The following MIPEP variants were observed in gnomAD, a reference collection of about 807,000 sequenced individuals.
MIPEP encodes mitochondrial intermediate peptidase.
In MIPEP, 79 loss-of-function variants were observed where a neutral mutation model predicts 90.3. The observed-to-expected ratio is 0.87, with a 90% CI of 0.73 to 1.05. The LOEUF (loss-of-function observed/expected upper bound fraction) is 1.05, where lower values mean the gene tolerates loss of function less well. Among genes scored for constraint, MIPEP ranks in the 50% least tolerant of loss-of-function variants. The pLI is 0.00. For missense variants in MIPEP, 940 were observed against 905.6 expected (o/e 1.04, Z -0.49); for synonymous variants, 334 against 315.8 (o/e 1.06, Z -0.61).
chr13:23,763,057 CT>C (rs1372057375), intron 16 of MIPEP, among the ~76,000 whole-genome samples: 1 of 152,216 alleles, frequency 6.6e-6, no homozygotes, highest in Non-Finnish European at 1.5e-5. Context: ...CTAGGACCAT[CT>C]ATGAATTAAA....
chr13:23,793,800 G>A (rs964267925), intron 16 of MIPEP, among the ~76,000 whole-genome samples: 6 of 151,694 alleles, frequency 4.0e-5, no homozygotes, highest in Non-Finnish European at 7.4e-5. Flanking sequence ...AAGGCAAAGG[G>A]AGCAGAAAGA....
intron 16 of MIPEP, among the ~76,000 whole-genome samples, chr13:23,784,427 C>G (rs983064757): frequency 6.6e-6 from 1 of 152,178 alleles, no homozygotes; most frequent in Non-Finnish European, 1.5e-5. Flanking sequence ...GGAAAACTGG[C>G]TAGCCATATG....
intron 18 of MIPEP, among the ~76,000 whole-genome samples, chr13:23,736,139 G>C (rs1417451303): frequency 2.6e-5 from 4 of 152,160 alleles, no homozygotes; most frequent in African/African-American, 9.7e-5. Context: ...AACCAAGGTG[G>C]ATGGAGTTAA....
At chr13:23,806,326 T>C (rs1953106685) in intron 15 of MIPEP, among the ~76,000 whole-genome samples, 1 of 152,206 alleles carries the variant, frequency 6.6e-6, no homozygotes, top group East Asian at 1.9e-4. Flanking sequence ...AGATACTCTT[T>C]ATGTACAATG....
intron 2 of MIPEP, among the ~76,000 whole-genome samples, chr13:23,882,307 T>C (rs1188578292): frequency 6.6e-6 from 1 of 152,202 alleles, no homozygotes; most frequent in Non-Finnish European, 1.5e-5. Context: ...CTTTGCAGTA[T>C]GGTTTTCACA....
At chr13:23,823,537 C>T (rs1033451164) in intron 14 of MIPEP, among the ~76,000 whole-genome samples, 1 of 152,152 alleles carries the variant, frequency 6.6e-6, no homozygotes, top group African/African-American at 2.4e-5. Flanking sequence ...TCTTTCTTAA[C>T]AGCATTTGGA....
intron 10 of MIPEP, 84 bp downstream of exon 10, chr13:23,858,776 C>T (rs1870156039): frequency 6.7e-6 from 8 of 1,191,010 alleles, no homozygotes; most frequent in Admixed American, 1.8e-5. Context: ...GTACTGTGGG[C>T]GACTCAGTGG....
chr13:23,730,580 A>C (rs1410200981), intron 18 of MIPEP, 135 bp from the exon 19 acceptor site: 1 of 631,474 alleles, frequency 1.6e-6, no homozygotes, highest in Non-Finnish European at 2.9e-6. Context: ...ACCTGAATGC[A>C]AGAACATTTT....
chr13:23,739,256 G>C (rs866988403), intron 18 of MIPEP, among the ~76,000 whole-genome samples: 1 of 152,224 alleles, frequency 6.6e-6, no homozygotes, highest in Non-Finnish European at 1.5e-5. Context: ...AGAAAGGGAC[G>C]TGGTGTCAGT....
chr13:23,744,519 C>G (rs775774687), intron 18 of MIPEP, among the ~76,000 whole-genome samples: 1 of 152,210 alleles, frequency 6.6e-6, no homozygotes, highest in Non-Finnish European at 1.5e-5. Flanking sequence ...ATGTCTGCTA[C>G]TAGGTGATCT....
intron 18 of MIPEP, among the ~76,000 whole-genome samples, chr13:23,753,812 C>T (rs937492727): frequency 2.0e-5 from 3 of 152,118 alleles, no homozygotes; most frequent in Admixed American, 6.5e-5. Context: ...TAAAAGTTTG[C>T]CTATGTAGAA....
chr13:23,806,805 C>T (rs924108975), intron 15 of MIPEP, among the ~76,000 whole-genome samples: 4 of 151,946 alleles, frequency 2.6e-5, no homozygotes, highest in Non-Finnish European at 4.4e-5. Flanking sequence ...ACTTTAGACC[C>T]GCTGGATCTA....
chr13:23,868,110 A>T (rs1376520465), intron 7 of MIPEP, among the ~76,000 whole-genome samples: 1 of 152,152 alleles, frequency 6.6e-6, no homozygotes, highest in Non-Finnish European at 1.5e-5. Flanking sequence ...AGCTTCGATT[A>T]TATGAAAAAA....
chr13:23,834,135 G>C (rs919698065), intron 14 of MIPEP, among the ~76,000 whole-genome samples: 4 of 152,160 alleles, frequency 2.6e-5, no homozygotes, highest in Non-Finnish European at 5.9e-5. Context: ...CCCGGGATGA[G>C]GGGAGAGGGG....
At chr13:23,843,097 C>CA (rs397977292) in intron 10 of MIPEP, among the ~76,000 whole-genome samples, 8,690 of 52,284 alleles carry the variant, frequency 0.17, 612 homozygotes, top group East Asian at 0.3. Context: ...CTCTCCATCT[C>CA]AAAAAAAAAA....
At chr13:23,747,564 TGA>T in intron 18 of MIPEP, 1 of 512,306 alleles carries the variant, frequency 2.0e-6, no homozygotes, top group Non-Finnish European at 3.9e-6. Flanking sequence ...AGAGAACAGC[TGA>T]GAGACTGAAC....
intron 16 of MIPEP, among the ~76,000 whole-genome samples, chr13:23,763,564 G>A (rs961707180): frequency 6.7e-6 from 1 of 149,920 alleles, no homozygotes; most frequent in East Asian, 2.0e-4. Flanking sequence ...CATTTGATCT[G>A]AGCTAAGAAA....
At chr13:23,754,798 G>A (rs1593134505) in intron 18 of MIPEP, among the ~76,000 whole-genome samples, 2 of 152,066 alleles carry the variant, frequency 1.3e-5, no homozygotes, top group East Asian at 1.9e-4. Flanking sequence ...GTGGGCTGGC[G>A]CTACCAACCA....
At chr13:23,851,231 T>C (rs2137481379) in intron 10 of MIPEP, among the ~76,000 whole-genome samples, 1 of 152,324 alleles carries the variant, frequency 6.6e-6, no homozygotes, top group South Asian at 2.1e-4. Context: ...AACACAGGTA[T>C]TTTGAGTCTC....
Sources: gnomAD v4.1 joint callset for allele counts (sites outside exome capture counted in the v4.1 genomes callset) on GRCh38, gnomAD v4.1.1 for gene constraint, MANE v1.5 for transcripts, NCBI Gene and HGNC (gene_info 2026-07-23, HGNC 2026-07-21) for gene names.